Variants in GLI3 observed in about 807,000 individuals in gnomAD.
GLI3 encodes the protein GLI family zinc finger 3.
GLI3 carries 20 observed loss-of-function variants against 100.8 expected under a neutral mutation model. That is an observed-to-expected ratio of 0.20 (90% confidence interval 0.14 to 0.29). The LOEUF (loss-of-function observed/expected upper bound fraction) is 0.29. Among genes scored for constraint, GLI3 ranks in the 10% least tolerant of loss-of-function variants. GLI3 has a pLI of 1.00. For missense variants in GLI3, 2,040 were observed against 2,128.5 expected (o/e 0.96, Z 0.82); for synonymous variants, 938 against 860.5 (o/e 1.09, Z -1.58).
intron 2 of GLI3, among the ~76,000 whole-genome samples, chr7:42,207,800 C>A (rs1422693192): frequency 6.6e-6 from 1 of 152,180 alleles, no homozygotes; most frequent in Non-Finnish European, 1.5e-5. Context: ...AGATTCCAGG[C>A]CAGCTTCGTG....
At chr7:41,987,199 T>C (rs1562671557) in intron 10 of GLI3, among the ~76,000 whole-genome samples, 1 of 151,534 alleles carries the variant, frequency 6.6e-6, no homozygotes, top group African/African-American at 2.4e-5. Flanking sequence ...GACAGAGTCT[T>C]GCTCTGTTGC....
At chr7:42,094,232 G>A (rs930620194) in intron 3 of GLI3, among the ~76,000 whole-genome samples, 4 of 152,164 alleles carry the variant, frequency 2.6e-5, no homozygotes, top group South Asian at 2.1e-4. Context: ...TTAGAACCAC[G>A]AATTCTGTTC....
intron 3 of GLI3, among the ~76,000 whole-genome samples, chr7:42,111,279 C>T (rs962109949): frequency 2.6e-5 from 4 of 152,086 alleles, no homozygotes; most frequent in Admixed American, 6.5e-5. Flanking sequence ...TGAGTACCAG[C>T]GAACTACAGC....
chr7:42,046,455 A>T (rs4724090), intron 5 of GLI3, among the ~76,000 whole-genome samples: 84,450 of 151,670 alleles, frequency 0.56, 25,627 homozygotes, highest in African/African-American at 0.82. Flanking sequence ...TGGTAAAGAT[A>T]GAGATTTAAG....
chr7:42,073,133 G>A (rs1381228351), intron 4 of GLI3, among the ~76,000 whole-genome samples: 1 of 152,166 alleles, frequency 6.6e-6, no homozygotes, highest in Non-Finnish European at 1.5e-5. Flanking sequence ...GTCCTACTTA[G>A]AAGTTCTGAG....
rs374129456 is a variant in GLI3, at chr7:42,023,366, C to A, written c.1497+102G>T. On this transcript the variant is annotated intron_variant, in intron 10 of 14. Transcript: ENST00000395925. Reference sequence around the variant, plus strand: ...ATAAAGCCCTCTCCAGTTCGCAATGCGGCTCCTAAGAAACTTGACTCAGCT... The same window carrying A: ...ATAAAGCCCTCTCCAGTTCGCAATGAGGCTCCTAAGAAACTTGACTCAGCT... 2.3e-4 allele frequency: 274 copies of A among 1,215,348 alleles called. 1 individual carries two copies. In the African/African-American group the frequency reaches 3.7e-3, roughly 16 times the overall value. 75.3% of individuals were successfully genotyped at this position (1,215,348 alleles called of 1,614,324 possible). A position where few individuals can be genotyped will look rare whatever the true frequency, so the allele number is the denominator to read the frequency against.
intron 3 of GLI3, among the ~76,000 whole-genome samples, chr7:42,081,103 C>T (rs1278376959): frequency 2.0e-5 from 3 of 152,168 alleles, no homozygotes; most frequent in African/African-American, 7.2e-5. Context: ...ATTTATCATA[C>T]AATTTCCTGA....
intron 3 of GLI3, among the ~76,000 whole-genome samples, chr7:42,083,763 C>T (rs1186395403): frequency 6.6e-6 from 1 of 152,156 alleles, no homozygotes; most frequent in African/African-American, 2.4e-5. Context: ...CATATGCTAA[C>T]TTGTGTGACT....
At chr7:42,003,448 C>A (rs1489764997) in intron 10 of GLI3, among the ~76,000 whole-genome samples, 1 of 151,474 alleles carries the variant, frequency 6.6e-6, no homozygotes, top group Non-Finnish European at 1.5e-5. Flanking sequence ...AAAAATGAAA[C>A]AAATAAAAAA....
At chr7:42,103,134 G>A (rs1321621023) in intron 3 of GLI3, among the ~76,000 whole-genome samples, 1 of 152,080 alleles carries the variant, frequency 6.6e-6, no homozygotes, top group African/African-American at 2.4e-5. Flanking sequence ...TATGTTTCCA[G>A]ACTTGGCTCC....
At chr7:42,263,951 C>T (rs577829131) in intron 1 of GLI3, among the ~76,000 whole-genome samples, 148 of 152,294 alleles carry the variant, frequency 9.7e-4, no homozygotes, top group African/African-American at 2.6e-3. Flanking sequence ...TGCTAACTTA[C>T]CTACCTAGAA....
At chr7:41,989,915 C>T (rs996823540) in intron 10 of GLI3, among the ~76,000 whole-genome samples, 1 of 147,858 alleles carries the variant, frequency 6.8e-6, no homozygotes, top group African/African-American at 2.5e-5. Context: ...GTCCCAGCTA[C>T]CTGAGAGGCT....
intron 10 of GLI3, among the ~76,000 whole-genome samples, chr7:42,003,506 G>T (rs938253115): frequency 6.6e-6 from 1 of 152,062 alleles, no homozygotes; most frequent in African/African-American, 2.4e-5. Context: ...ACAAATGACA[G>T]AGAAATAAAA....
intron 1 of GLI3, among the ~76,000 whole-genome samples, chr7:42,252,422 A>C (rs536035708): frequency 1.8e-4 from 27 of 152,324 alleles, no homozygotes; most frequent in African/African-American, 5.8e-4. Context: ...CTGTACACCA[A>C]ACCCCATGAC....
At chr7:42,127,777 G>A (rs973783856) in intron 3 of GLI3, among the ~76,000 whole-genome samples, 4 of 152,188 alleles carry the variant, frequency 2.6e-5, no homozygotes, top group African/African-American at 7.2e-5. Context: ...GGGAGGCCAA[G>A]GCAGCAGATT....
At chr7:42,019,515 C>G (rs1788875861) in intron 10 of GLI3, among the ~76,000 whole-genome samples, 1 of 151,872 alleles carries the variant, frequency 6.6e-6, no homozygotes, top group Non-Finnish European at 1.5e-5. Context: ...TAAACATAAG[C>G]TAAACCAAAT....
rs144128064 is a variant in GLI3, at chr7:41,964,781, G to A, written c.4292C>T (p.Pro1431Leu). Reference protein sequence around the residue: ...IKMEMKGQPHPLCSNLQNYSG... With the variant: ...IKMEMKGQPHLLCSNLQNYSG... The stretch of plus-strand genomic sequence containing the variant: ...GTAATTCTGCAGATTAGAGCACAGC[G>A]GATGGGGCTGCCCTTTCATCTCCAT... The change falls in exon 15 of 15, where the codon CCG (proline) becomes CTG (leucine). Residue 1431 changes from proline to leucine, a missense_variant. Physicochemically the swap from Pro to Leu is moderately conservative, Grantham distance 98 (BLOSUM62 -3). Transcript: ENST00000395925. 8.1e-6 allele frequency: 13 copies of A among 1,613,654 alleles called. No homozygotes were observed. The Admixed American group carries it at 1.3e-4, about 17-fold the overall frequency.
intron 10 of GLI3, among the ~76,000 whole-genome samples, chr7:42,015,994 G>A (rs750128737): frequency 1.4e-4 from 21 of 152,088 alleles, no homozygotes; most frequent in Non-Finnish European, 2.5e-4. Flanking sequence ...GACAATGTCT[G>A]GAAACAGTTT....
At chr7:42,088,763 A>C (rs1270061428) in intron 3 of GLI3, among the ~76,000 whole-genome samples, 1 of 152,192 alleles carries the variant, frequency 6.6e-6, no homozygotes, top group Non-Finnish European at 1.5e-5. Context: ...AAACCTATTC[A>C]GCTGGGCTCT....
Sources: allele counts gnomAD v4.1 joint callset (sites outside exome capture counted in the v4.1 genomes callset), GRCh38; gene constraint gnomAD v4.1.1; transcripts MANE v1.5; gene names NCBI Gene and HGNC (gene_info 2026-07-23, HGNC 2026-07-21).